Variants in BCAS3 observed in about 807,000 individuals in gnomAD.
The protein encoded by BCAS3 is BCAS4/BCAS3 fusion.
BCAS3 carries 53 observed loss-of-function variants against 116.1 expected under a neutral mutation model. The observed-to-expected ratio is 0.46, with a 90% confidence interval of 0.37 to 0.57. The LOEUF is 0.57. Ranked by LOEUF, BCAS3 falls within the 20% of genes least tolerant of loss-of-function variation. The pLI, the probability that BCAS3 is intolerant of heterozygous loss-of-function variation, is 0.00. For synonymous variants in BCAS3, 391 were observed against 408.2 expected (o/e 0.96, Z 0.51); for missense variants, 917 against 1,165.4 (o/e 0.79, Z 3.10).
At chr17:61,033,093 T>G (rs191537090) in intron 16 of BCAS3, among the ~76,000 whole-genome samples, 3 of 152,242 alleles carry the variant, frequency 2.0e-5, no homozygotes, top group African/African-American at 7.2e-5. Context: ...GTCTGAATTT[T>G]TTGAAGATTA....
At chr17:61,176,157 A>G (rs943211442) in intron 22 of BCAS3, among the ~76,000 whole-genome samples, 16 of 149,404 alleles carry the variant, frequency 1.1e-4, no homozygotes, top group South Asian at 6.2e-4. Flanking sequence ...AAAAAAAAAA[A>G]AAAAGAAAAA....
rs983851283 is a variant in BCAS3 at position 61,356,661 on chromosome 17, G to A, written c.2426-11666G>A. On this transcript the variant is annotated intron_variant, in intron 22 of 23. Coordinates refer to ENST00000407086, the MANE Select transcript of BCAS3 (RefSeq NM_017679.5). This position sits in a 1 kb window ranked among gnomAD's most constrained non-coding sequence, Gnocchi z 5.4. ...TTATCCAGAGGTTAGTTGTAGGCAG[G>A]GGAGACAAAGAGGACAGGTAAAGGG... Among the ~76,000 whole-genome samples, 1 of 152,172 alleles carries A rather than the reference G, an allele frequency of 6.6e-6. No homozygotes were observed. Among genetic ancestry groups the A allele is most frequent in the Non-Finnish European group, 1.5e-5 (1 of 68,040 alleles).
At chr17:61,115,313 A>G (rs1418337602) in intron 22 of BCAS3, among the ~76,000 whole-genome samples, 1 of 152,222 alleles carries the variant, frequency 6.6e-6, no homozygotes, top group Non-Finnish European at 1.5e-5. Flanking sequence ...AACCTACAAA[A>G]TTGGAGAAAA....
In BCAS3 at chr17:60,815,408, C is replaced by T. The variant is rs558329540; in HGVS notation, c.476+7332C>T. Among the ~76,000 whole-genome samples the T allele has an allele frequency of 2.6e-5, 4 of 151,296 alleles. No individual in the cohort carries two copies. In the East Asian group the frequency reaches 7.8e-4, roughly 30 times the overall value. On this transcript the variant is annotated intron_variant, in intron 7 of 23. Transcript: ENST00000407086. ...TGTATACGTATGTAACAAGCCTGCA[C>T]GTTGTGCACATGTACCCTAGAACTT...
In BCAS3 at chr17:61,366,276, A is replaced by G. The variant is rs989177209; in HGVS notation, c.2426-2051A>G. ...AGCACTGTAGCACTAGATCTTGTCA[A>G]ATAAGGTCTAGTGGGGGAAGTGCTG... On this transcript the variant is annotated intron_variant, in intron 22 of 23. Transcript: ENST00000407086. The surrounding 1 kb of genome is among the most constrained non-coding windows in gnomAD (Gnocchi z 4.5). 6.6e-6 allele frequency among the ~76,000 whole-genome samples: 1 copy of G among 152,216 alleles called. No individual in the cohort carries two copies. The highest frequency in any genetic ancestry group is 6.5e-5 in the Admixed American group (1 of 15,288).
chr17:60,980,724 C>T (rs1296908850), intron 14 of BCAS3: 3 of 151,928 alleles, frequency 2.0e-5, no homozygotes. Flanking sequence ...TTTGCAGAGA[C>T]AGGGTTTCAC....
At chr17:61,117,090 C>G (rs144382770) in intron 22 of BCAS3, among the ~76,000 whole-genome samples, 2 of 152,274 alleles carry the variant, frequency 1.3e-5, no homozygotes, top group Non-Finnish European at 2.9e-5. Flanking sequence ...CCAACCCACA[C>G]CCTTTCTCCA....
chr17:60,831,158 T>C (rs1027741168), intron 7 of BCAS3, among the ~76,000 whole-genome samples: 3 of 151,362 alleles, frequency 2.0e-5, no homozygotes, highest in African/African-American at 7.3e-5. Context: ...GGCCAATAAA[T>C]GTCTTTTGAT....
intron 6 of BCAS3, among the ~76,000 whole-genome samples, chr17:60,790,076 A>G (rs1033426135): frequency 5.9e-5 from 9 of 152,082 alleles, no homozygotes; most frequent in Admixed American, 5.2e-4. Flanking sequence ...AGTTATTGCC[A>G]TTCTCAGTAT....
At chr17:60,843,482 G>A (rs1374483275) in intron 7 of BCAS3, among the ~76,000 whole-genome samples, 1 of 152,022 alleles carries the variant, frequency 6.6e-6, no homozygotes, top group Non-Finnish European at 1.5e-5. Flanking sequence ...GCCTCCCAAA[G>A]TGCTGGAATT....
intron 22 of BCAS3, among the ~76,000 whole-genome samples, chr17:61,223,151 CTTTTTTTTTTT>C (rs34499099): frequency 1.3e-5 from 1 of 79,064 alleles, no homozygotes; most frequent in Non-Finnish European, 2.2e-5. Flanking sequence ...GATGCAGCGC[CTTTTTTTTTTT>C]TTTTTTTTTT....
In BCAS3 at chr17:61,366,550, C is replaced by G. The variant is rs1217009655; in HGVS notation, c.2426-1777C>G. 6.6e-6 allele frequency among the ~76,000 whole-genome samples: 1 copy of G among 152,178 alleles called. No homozygotes were observed. Among genetic ancestry groups the G allele is most frequent in the Non-Finnish European group, 1.5e-5 (1 of 68,036 alleles). Reference sequence around the variant, plus strand: ...TGGCACTGCCAGTGCACAGCTCTAGCACAGTTCAGGCCTTGGGAGAATTAT... The same window carrying G: ...TGGCACTGCCAGTGCACAGCTCTAGGACAGTTCAGGCCTTGGGAGAATTAT... On this transcript the variant is annotated intron_variant, in intron 22 of 23. Transcript: ENST00000407086. The surrounding 1 kb of genome is among the most constrained non-coding windows in gnomAD (Gnocchi z 4.5).
intron 10 of BCAS3, among the ~76,000 whole-genome samples, chr17:60,901,875 A>ACAT (rs2057918397): frequency 1.3e-5 from 2 of 152,236 alleles, no homozygotes; most frequent in African/African-American, 4.8e-5. Flanking sequence ...AAAATGTTAA[A>ACAT]CATACAAATC....
At chr17:60,858,281 C>T (rs2053850889) in intron 7 of BCAS3, among the ~76,000 whole-genome samples, 1 of 152,124 alleles carries the variant, frequency 6.6e-6, no homozygotes. Context: ...ACTAACATTT[C>T]TGTCACACCA....
chr17:61,299,442 C>CAAAA (rs538072648), intron 22 of BCAS3, among the ~76,000 whole-genome samples: 195 of 57,074 alleles, frequency 3.4e-3, no homozygotes, highest in Middle Eastern at 9.8e-3. Flanking sequence ...GACTCCATCT[C>CAAAA]AAAAAAAAAA....
intron 12 of BCAS3, among the ~76,000 whole-genome samples, chr17:60,923,473 A>G (rs1001090164): frequency 1.3e-5 from 2 of 152,204 alleles, no homozygotes; most frequent in African/African-American, 4.8e-5. Flanking sequence ...CAGGGCAGGA[A>G]TAACATTTGG....
At chr17:60,767,963 G>A (rs1024910620) in intron 6 of BCAS3, among the ~76,000 whole-genome samples, 1 of 152,002 alleles carries the variant, frequency 6.6e-6, no homozygotes, top group African/African-American at 2.4e-5. Context: ...ACAGTACCTG[G>A]CTAGTTTTAA....
At position 61,300,786 on chromosome 17, in the gene BCAS3, T is replaced by TA. The variant is rs1341591006; in HGVS notation, c.2426-67540dup. ...ATTAGCTTCAATTGACAATGTTTTC[T>TA]ACACTCTGATTTTGTTCCAGCAGCT... On this transcript the variant is annotated intron_variant, in intron 22 of 23. Transcript: ENST00000407086. The surrounding 1 kb of genome is among the most constrained non-coding windows in gnomAD (Gnocchi z 5.1). Among the ~76,000 whole-genome samples the TA allele has an allele frequency of 2.0e-5, 3 of 152,312 alleles. No individual in the cohort carries two copies. The highest frequency in any genetic ancestry group is 7.2e-5 in the African/African-American group (3 of 41,570).
intron 22 of BCAS3, among the ~76,000 whole-genome samples, chr17:61,340,451 A>G (rs1200824044): frequency 6.6e-6 from 1 of 152,094 alleles, no homozygotes; most frequent in Non-Finnish European, 1.5e-5. Flanking sequence ...AGATATTGAC[A>G]GTTTGAGGGT....
Sources: gnomAD v4.1 joint callset for allele counts (sites outside exome capture counted in the v4.1 genomes callset) on GRCh38, gnomAD v4.1.1 for gene constraint, Gnocchi (gnomAD v3.1) non-coding constraint, MANE v1.5 for transcripts, NCBI Gene and HGNC (gene_info 2026-07-23, HGNC 2026-07-21) for gene names.